The following TOP1MT variants were observed in gnomAD, a reference collection of about 807,000 sequenced individuals.
TOP1MT encodes DNA topoisomerase I, mitochondrial.
In TOP1MT, 80 loss-of-function variants were observed where a neutral mutation model predicts 73.9. The ratio of observed to expected loss-of-function variants is 1.08; its 90% CI spans 0.90 to 1.30. TOP1MT has a LOEUF of 1.30. Ranked by LOEUF, TOP1MT falls within the 50% of genes most tolerant of loss-of-function variation. The pLI, the probability that TOP1MT is intolerant of heterozygous loss-of-function variation, is 0.00. For synonymous variants in TOP1MT, 338 were observed against 326.4 expected (o/e 1.04, Z -0.38); for missense variants, 815 against 808.0 (o/e 1.01, Z -0.10).
chr8:143,324,408 C>T lies in TOP1MT; in HGVS notation c.816+77G>A, dbSNP rs979528506. 11 of 1,598,626 alleles carry T rather than the reference C, an allele frequency of 6.9e-6. No homozygotes were observed. In the Admixed American group the frequency reaches 6.9e-5, roughly 10 times the overall value. On this transcript the variant is annotated intron_variant, in intron 6 of 13. Transcript: ENST00000329245. ...CATCTCAGAAGCCTCTGCCGGTGCC[C>T]GGCTTACACACCTCCCTGCCGGCGT...
intron 8 of TOP1MT, among the ~76,000 whole-genome samples, chr8:143,319,621 T>C (rs1816272763): frequency 6.6e-6 from 1 of 150,472 alleles, no homozygotes; most frequent in African/African-American, 2.5e-5. Flanking sequence ...CAAGCCAGTC[T>C]GGAGACCAGA....
At chr8:143,318,711 C>T (rs1465789851) in intron 8 of TOP1MT, among the ~76,000 whole-genome samples, 1 of 152,132 alleles carries the variant, frequency 6.6e-6, no homozygotes, top group Non-Finnish European at 1.5e-5. Flanking sequence ...GCATGGCAGC[C>T]CTCCCTCACC....
chr8:143,324,750 C>T (rs532484449), intron 5 of TOP1MT, 121 bp from the exon 6 acceptor site: 4 of 1,291,756 alleles, frequency 3.1e-6, no homozygotes, highest in Non-Finnish European at 4.3e-6. Flanking sequence ...GGCTCCTGAC[C>T]GAGTCTGGCA....
intron 1 of TOP1MT, among the ~76,000 whole-genome samples, chr8:143,352,012 G>T (rs920085183): frequency 6.6e-6 from 1 of 152,256 alleles, no homozygotes; most frequent in African/African-American, 2.4e-5. Flanking sequence ...AACCTGGGAG[G>T]TGGAGGTTGT....
At chr8:143,322,499 C>A (rs1194340523) in intron 7 of TOP1MT, among the ~76,000 whole-genome samples, 4 of 126,786 alleles carry the variant, frequency 3.2e-5, no homozygotes, top group Non-Finnish European at 6.6e-5. Flanking sequence ...ACGCACGCCA[C>A]ACACACAGGC....
chr8:143,323,211 CCA>C (rs1394994508), intron 7 of TOP1MT, among the ~76,000 whole-genome samples: 2 of 99,386 alleles, frequency 2.0e-5, no homozygotes, highest in African/African-American at 4.2e-5. Context: ...CACAGGCACG[CCA>C]CACAGGCACG....
At chr8:143,332,525 G>C in intron 1 of TOP1MT, 1 of 1,289,442 alleles carries the variant, frequency 7.8e-7, no homozygotes. Context: ...CCCCAGCCAG[G>C]TAGTGCTGTT....
At chr8:143,312,704 G>T (rs1427378823) in intron 12 of TOP1MT, among the ~76,000 whole-genome samples, 1 of 152,138 alleles carries the variant, frequency 6.6e-6, no homozygotes, top group Non-Finnish European at 1.5e-5. Flanking sequence ...TTCCTGCCAG[G>T]TCCATAATGC....
chr8:143,313,372 G>A (rs1816063706), intron 12 of TOP1MT, among the ~76,000 whole-genome samples: 1 of 151,910 alleles, frequency 6.6e-6, no homozygotes, highest in Admixed American at 6.6e-5. Context: ...CCGACATGGT[G>A]AAACCCCATC....
rs1249516081 is a variant in TOP1MT, at chr8:143,329,465, G to T, written c.245C>A (p.Pro82His). ...CTCCGCTGCCACGCTCAATCTCACAGGCCTTCCTGCAGGCATCGGAAGACA... is the reference window on the plus strand; with the variant it reads ...CTCCGCTGCCACGCTCAATCTCACATGCCTTCCTGCAGGCATCGGAAGACA... ...DGVRFFYEGR[P>H]VRLSVAAEEV... Residue 82 changes from proline to histidine, a missense_variant, in exon 3 of 14, where the codon CCT becomes CAT. Physicochemically the swap from Pro to His is moderately conservative, Grantham distance 77. This residue lies in a region of TOP1MT where 751 missense variants were observed against 725.4 expected (regional missense o/e 1.04). Transcript: ENST00000329245. The T allele has an allele frequency of 2.5e-6, 4 of 1,609,302 alleles. No homozygotes were observed. The South Asian group carries it at 4.4e-5, about 18-fold the overall frequency.
intron 8 of TOP1MT, among the ~76,000 whole-genome samples, 197 bp downstream of exon 8, chr8:143,321,004 T>C (rs1218805343): frequency 6.6e-6 from 1 of 152,150 alleles, no homozygotes; most frequent in Non-Finnish European, 1.5e-5. Flanking sequence ...ACCAGCTCCC[T>C]TGTGAACCCT....
chr8:143,341,802 C>A lies in TOP1MT; in HGVS notation c.29+1418G>T, dbSNP rs1817087195. 6.6e-6 allele frequency among the ~76,000 whole-genome samples: 1 copy of A among 152,132 alleles called. No individual in the cohort carries two copies. Among genetic ancestry groups the A allele is most frequent in the Non-Finnish European group, 1.5e-5 (1 of 68,034 alleles). On this transcript the variant is annotated intron_variant, in intron 2 of 5. Coordinates refer to the TOP1MT transcript ENST00000518007. This position sits in a 1 kb window ranked among gnomAD's most constrained non-coding sequence, Gnocchi z 4.1. ...CAGAGCACTATCCCGACACCACTGC[C>A]CCATCTAGTGCTTCCTTCTTCCTTC...
intron 9 of TOP1MT, 22 bp from the exon 10 acceptor site, chr8:143,317,859 A>G (rs746117123): frequency 4.3e-6 from 7 of 1,612,640 alleles, no homozygotes; most frequent in Non-Finnish European, 5.1e-6. Flanking sequence ...AATGGTCTCT[A>G]TAATTACGTG....
At chr8:143,320,942 CG>C (rs955988170) in intron 8 of TOP1MT, among the ~76,000 whole-genome samples, 15 of 152,292 alleles carry the variant, frequency 9.8e-5, no homozygotes, top group African/African-American at 3.4e-4. Context: ...ATGCTCCGGC[CG>C]GGGGGCAGGA....
At chr8:143,349,455 T>A (rs1817284776), upstream of TOP1MT, among the ~76,000 whole-genome samples, 2 of 152,074 alleles carry the variant, frequency 1.3e-5, no homozygotes, top group Non-Finnish European at 2.9e-5. Flanking sequence ...GCTTGCCAGC[T>A]CCCCAAAACT....
chr8:143,358,055 C>T (rs931278605), upstream of TOP1MT, among the ~76,000 whole-genome samples: 5 of 152,090 alleles, frequency 3.3e-5, no homozygotes, highest in Non-Finnish European at 5.9e-5. Context: ...ACTGCACTCC[C>T]ACCTGGGTGA....
At chr8:143,315,486 CAATA>C (rs1438628716) in intron 12 of TOP1MT, among the ~76,000 whole-genome samples, 1 of 152,166 alleles carries the variant, frequency 6.6e-6, no homozygotes, top group African/African-American at 2.4e-5. Context: ...GCTTTGTATA[CAATA>C]AATAACAGCG....
intron 12 of TOP1MT, among the ~76,000 whole-genome samples, chr8:143,315,417 G>A (rs924380941): frequency 6.6e-6 from 1 of 152,132 alleles, no homozygotes; most frequent in African/African-American, 2.4e-5. Context: ...GTGGACATGT[G>A]ACCCACGTGA....
chr8:143,343,037 A>G (rs1817159826), intron 2 of TOP1MT, among the ~76,000 whole-genome samples: 1 of 152,242 alleles, frequency 6.6e-6, no homozygotes, highest in South Asian at 2.1e-4. Flanking sequence ...CTAGGATTAT[A>G]GGCATGAGCC....
Sources: allele counts gnomAD v4.1 joint callset (sites outside exome capture counted in the v4.1 genomes callset), GRCh38; gene constraint gnomAD v4.1.1; regional missense constraint gnomAD v4.1.1; non-coding constraint Gnocchi (gnomAD v3.1); transcripts MANE v1.5; gene names NCBI Gene and HGNC (gene_info 2026-07-23, HGNC 2026-07-21).